GSK3B: variants seen among roughly 807,000 people sequenced by gnomAD.
GSK3B encodes glycogen synthase kinase 3 beta.
GSK3B carries 15 observed loss-of-function variants against 56.4 expected under a neutral mutation model. The ratio of observed to expected loss-of-function variants is 0.27; its 90% CI spans 0.18 to 0.41. GSK3B has a LOEUF of 0.41. GSK3B is among the 10% of genes least tolerant of loss of function. The pLI is 1.00. For synonymous variants in GSK3B, 181 were observed against 188.9 expected, an observed-to-expected ratio of 0.96 and a Z score of 0.34; for missense variants, 300 against 513.4, an observed-to-expected ratio of 0.58 and a Z score of 4.02.
At chr3:120,047,062 G>C (rs542172419) in intron 1 of GSK3B, among the ~76,000 whole-genome samples, 2 of 152,214 alleles carry the variant, frequency 1.3e-5, no homozygotes, top group Admixed American at 1.3e-4. Context: ...TTTTCTACAT[G>C]AACCTAAGTT....
intron 7 of GSK3B, among the ~76,000 whole-genome samples, chr3:119,884,184 GC>G (rs1379939128): frequency 6.6e-6 from 1 of 152,122 alleles, no homozygotes; most frequent in African/African-American, 2.4e-5. Context: ...CACCATGGGG[GC>G]AAAGGAAGGC....
intron 2 of GSK3B, among the ~76,000 whole-genome samples, chr3:119,965,252 C>T (rs1470617687): frequency 2.7e-5 from 4 of 148,560 alleles, no homozygotes; most frequent in African/African-American, 9.9e-5. Context: ...TTAGTAGAGA[C>T]GGGGTTTCAC....
chr3:120,028,319 C>A (rs1183268616), intron 1 of GSK3B, among the ~76,000 whole-genome samples: 1 of 152,144 alleles, frequency 6.6e-6, no homozygotes, highest in Non-Finnish European at 1.5e-5. Context: ...CAGCCTGGAG[C>A]CTCATCATAC....
intron 2 of GSK3B, among the ~76,000 whole-genome samples, chr3:119,951,664 G>A (rs1037967418): frequency 6.6e-6 from 1 of 151,948 alleles, no homozygotes; most frequent in African/African-American, 2.4e-5. Context: ...AGGAAAAGTT[G>A]ACCTATAATC....
At chr3:120,088,021 T>C (rs952550241) in intron 1 of GSK3B, among the ~76,000 whole-genome samples, 1 of 152,046 alleles carries the variant, frequency 6.6e-6, no homozygotes, top group Non-Finnish European at 1.5e-5. Flanking sequence ...GCCTCCTGAG[T>C]AGCTGGGACT....
At chr3:120,065,501 C>T (rs187027555) in intron 1 of GSK3B, among the ~76,000 whole-genome samples, 5 of 152,222 alleles carry the variant, frequency 3.3e-5, no homozygotes, top group African/African-American at 1.2e-4. Flanking sequence ...GGGAACCCTA[C>T]TACACTGCTG....
rs1559837818 is a variant in GSK3B at position 119,922,204 on chromosome 3, A to AGGAGGGAAGGAAGGAAGGAGGGAG, written c.477+1168_477+1169insCTCCCTCCTTCCTTCCTTCCCTCC. ...AGGTAGGTAGGTAGGTAGGTAGGGA[A>AGGAGGGAAGGAAGGAAGGAGGGAG]GGAGGGAAGGAAGGAAGGAAGGAGG... is the stretch of plus-strand genomic sequence containing the variant. On this transcript the variant is annotated intron_variant, in intron 4 of 10. Transcript: ENST00000264235. 8.4e-4 allele frequency among the ~76,000 whole-genome samples: 102 copies of AGGAGGGAAGGAAGGAAGGAGGGAG among 121,012 alleles called. 3 individuals carry two copies. Among genetic ancestry groups the AGGAGGGAAGGAAGGAAGGAGGGAG allele is most frequent in the African/African-American group, 3.3e-3 (99 of 29,558 alleles). 79.4% of individuals were successfully genotyped at this position (121,012 alleles called of 152,430 possible).
intron 1 of GSK3B, among the ~76,000 whole-genome samples, chr3:120,061,173 C>T (rs768865337): frequency 2.6e-5 from 4 of 152,172 alleles, no homozygotes; most frequent in South Asian, 4.1e-4. Flanking sequence ...TTTAAAGATG[C>T]GTGAGGAATT....
chr3:120,021,384 C>T lies in GSK3B; in HGVS notation c.89-19145G>A, dbSNP rs917085251. Among the ~76,000 whole-genome samples the T allele has an allele frequency of 8.6e-5, 13 of 150,882 alleles. No individual in the cohort carries two copies. The East Asian group carries it at 1.8e-3, about 20-fold the overall frequency. ...AAAAAAAATTAGCCGGGCATGGTGG[C>T]GGGCACCTGTAATCCCAGCTACTCG... On this transcript the variant is annotated intron_variant, in intron 1 of 10. Transcript: ENST00000264235.
At chr3:119,984,366 C>A (rs1211847190) in intron 2 of GSK3B, among the ~76,000 whole-genome samples, 16 of 147,166 alleles carry the variant, frequency 1.1e-4, no homozygotes, top group Admixed American at 9.5e-4. Flanking sequence ...CAGAGCAGAA[C>A]TGAAGGAGAT....
chr3:120,054,670 G>A (rs187660722), intron 1 of GSK3B, among the ~76,000 whole-genome samples: 2 of 152,132 alleles, frequency 1.3e-5, no homozygotes, highest in Non-Finnish European at 2.9e-5. Flanking sequence ...AATTCTCAAA[G>A]GATGATCTTA....
intron 1 of GSK3B, among the ~76,000 whole-genome samples, chr3:120,082,385 CTTTTT>C (rs1173737285): frequency 3.6e-4 from 24 of 66,384 alleles, no homozygotes; most frequent in African/African-American, 9.5e-4. Context: ...TTAGTATGTT[CTTTTT>C]TTTTTTTTTT....
intron 3 of GSK3B, among the ~76,000 whole-genome samples, chr3:119,928,183 G>A (rs1364830697): frequency 6.6e-6 from 1 of 152,210 alleles, no homozygotes; most frequent in Non-Finnish European, 1.5e-5. Flanking sequence ...AGAACTGGGA[G>A]TTGGTAACTC....
At chr3:119,981,575 C>T (rs767062070) in intron 2 of GSK3B, among the ~76,000 whole-genome samples, 10 of 152,378 alleles carry the variant, frequency 6.6e-5, no homozygotes, top group Admixed American at 1.3e-4. Flanking sequence ...CCCACGCCCA[C>T]GGAGCCTTGC....
At chr3:120,078,411 C>A (rs923305554) in intron 1 of GSK3B, among the ~76,000 whole-genome samples, 1 of 152,096 alleles carries the variant, frequency 6.6e-6, no homozygotes. Flanking sequence ...TTTCTAACGA[C>A]CCAGGAATTG....
chr3:119,954,284 G>T (rs2057188983), intron 2 of GSK3B, among the ~76,000 whole-genome samples: 1 of 139,846 alleles, frequency 7.2e-6, no homozygotes, highest in African/African-American at 2.8e-5. Flanking sequence ...GAATAGAATA[G>T]AATAGAATAG....
chr3:119,970,616 A>ATT (rs2057356847), intron 2 of GSK3B, among the ~76,000 whole-genome samples: 1 of 140,636 alleles, frequency 7.1e-6, no homozygotes, highest in Non-Finnish European at 1.5e-5. Flanking sequence ...CTAAAATTAA[A>ATT]AAAAAAAAAA....
chr3:119,866,644 C>A, intron 8 of GSK3B: 2 of 1,573,554 alleles, frequency 1.3e-6, no homozygotes, highest in Non-Finnish European at 1.7e-6. Flanking sequence ...GATGATAATG[C>A]AGTGAAATAA....
intron 1 of GSK3B, among the ~76,000 whole-genome samples, chr3:120,076,663 A>T (rs1185717797): frequency 6.6e-6 from 1 of 151,392 alleles, no homozygotes; most frequent in Admixed American, 6.6e-5. Flanking sequence ...AAAATACAAA[A>T]ATTAGCCGGG....
Sources: allele counts gnomAD v4.1 joint callset (sites outside exome capture counted in the v4.1 genomes callset), GRCh38; gene constraint gnomAD v4.1.1; transcripts MANE v1.5; gene names NCBI Gene and HGNC (gene_info 2026-07-23, HGNC 2026-07-21).